CDCA7L: variants seen among roughly 807,000 people sequenced by gnomAD.
CDCA7L encodes cell division cycle-associated 7-like protein.
CDCA7L carries 44 observed loss-of-function variants against 57.4 expected under a neutral mutation model. That is an observed-to-expected ratio of 0.77 (90% CI 0.60 to 0.98). CDCA7L has a LOEUF of 0.98. CDCA7L is among the 50% of genes least tolerant of loss of function. CDCA7L has a pLI of 0.00. For missense variants in CDCA7L, 644 were observed against 580.6 expected (o/e 1.11, Z -1.12); for synonymous variants, 236 against 202.8 (o/e 1.16, Z -1.39).
At chr7:21,908,916 G>A (rs1785228465) in intron 3 of CDCA7L, among the ~76,000 whole-genome samples, 1 of 152,190 alleles carries the variant, frequency 6.6e-6, no homozygotes, top group South Asian at 2.1e-4. Context: ...GGGGAAAAAT[G>A]CTGACTGGTC....
At chr7:21,924,940 C>A (rs1030855649) in intron 1 of CDCA7L, among the ~76,000 whole-genome samples, 7 of 152,046 alleles carry the variant, frequency 4.6e-5, no homozygotes, top group Non-Finnish European at 1.0e-4. Flanking sequence ...TAAACAAGCA[C>A]AAAAGAGAAT....
intron 1 of CDCA7L, among the ~76,000 whole-genome samples, chr7:21,943,225 C>T (rs376274249): frequency 1.3e-5 from 2 of 152,322 alleles, no homozygotes; most frequent in African/African-American, 4.8e-5. Context: ...CTGGGGGAAG[C>T]GTAATCACTG....
At position 21,902,242 on chromosome 7, in the gene CDCA7L, A is replaced by C. The variant is rs1784921502; in HGVS notation, c.*80T>G. 2.5e-6 allele frequency: 3 copies of C among 1,224,304 alleles called. No individual in the cohort carries two copies. Among genetic ancestry groups the C allele is most frequent in the African/African-American group, 3.8e-5 (2 of 53,222 alleles). 75.8% of individuals were successfully genotyped at this position (1,224,304 alleles called of 1,614,324 possible). On this transcript the variant is annotated 3_prime_UTR_variant, in exon 10 of 10. Coordinates refer to ENST00000406877, the MANE Select transcript of CDCA7L (RefSeq NM_018719.5). The stretch of plus-strand genomic sequence containing the variant: ...CTGTATAAAAACACAACTGTAAAAA[A>C]ATCTTTCTTAGGCACCAATGGTATG...
chr7:21,936,298 G>T (rs1040528640), intron 1 of CDCA7L, among the ~76,000 whole-genome samples: 5 of 152,140 alleles, frequency 3.3e-5, no homozygotes, highest in South Asian at 2.1e-4. Context: ...CCAAAAACTT[G>T]AAGAAGGAGG....
chr7:21,934,680 C>T (rs1289609519), intron 1 of CDCA7L, among the ~76,000 whole-genome samples: 2 of 152,122 alleles, frequency 1.3e-5, no homozygotes, highest in East Asian at 1.9e-4. Context: ...CTACAACAGA[C>T]TCACTTTAGA....
At chr7:21,929,308 C>A (rs1562633518) in intron 1 of CDCA7L, among the ~76,000 whole-genome samples, 1 of 152,036 alleles carries the variant, frequency 6.6e-6, no homozygotes, top group Non-Finnish European at 1.5e-5. Flanking sequence ...GAAGGAAGCA[C>A]TAAACATGGA....
intron 3 of CDCA7L, 148 bp from the exon 4 acceptor site, chr7:21,908,655 C>A: frequency 1.1e-6 from 1 of 894,150 alleles, no homozygotes; most frequent in Non-Finnish European, 1.6e-6. Flanking sequence ...TCTGAATTTC[C>A]TTTAAATGTG....
chr7:21,923,728 G>C (rs1043316487), intron 1 of CDCA7L, among the ~76,000 whole-genome samples: 1 of 152,202 alleles, frequency 6.6e-6, no homozygotes, highest in African/African-American at 2.4e-5. Flanking sequence ...CCAGGTATCT[G>C]AGCCTGTAAG....
chr7:21,918,343 A>G (rs1785551928), intron 1 of CDCA7L, among the ~76,000 whole-genome samples: 1 of 152,184 alleles, frequency 6.6e-6, no homozygotes, highest in South Asian at 2.1e-4. Flanking sequence ...CTTCTAAATT[A>G]TTGTGAGGCA....
At chr7:21,918,391 C>A (rs1267673624) in intron 1 of CDCA7L, among the ~76,000 whole-genome samples, 1 of 152,210 alleles carries the variant, frequency 6.6e-6, no homozygotes, top group Non-Finnish European at 1.5e-5. Flanking sequence ...GTATCATCAT[C>A]AAATGTGCAG....
At chr7:21,905,717 C>T (rs967080377) in intron 6 of CDCA7L, 86 bp from the exon 7 acceptor site, 56 of 1,417,322 alleles carry the variant, frequency 4.0e-5, no homozygotes, top group Admixed American at 2.6e-4. Context: ...AAAGATCTAG[C>T]ACCATTAATG....
At chr7:21,939,976 A>G (rs952230592) in intron 1 of CDCA7L, among the ~76,000 whole-genome samples, 3 of 152,002 alleles carry the variant, frequency 2.0e-5, no homozygotes, top group African/African-American at 7.2e-5. Flanking sequence ...AAAAAAAAAA[A>G]AAAAAAAAGG....
intron 1 of CDCA7L, among the ~76,000 whole-genome samples, chr7:21,939,510 T>G (rs1554298156): frequency 6.6e-6 from 1 of 152,176 alleles, no homozygotes; most frequent in Non-Finnish European, 1.5e-5. Context: ...GGGAGTGAAG[T>G]GAACCAAATC....
Position 21,902,029 on chromosome 7 carries a change from G to C in CDCA7L, c.*293C>G. On this transcript the variant is annotated 3_prime_UTR_variant, in exon 10 of 10. Coordinates refer to ENST00000406877, the MANE Select transcript of CDCA7L (RefSeq NM_018719.5). The stretch of plus-strand genomic sequence containing the variant: ...TGTTTTCTCTCTAACTTACTTACCT[G>C]AACTTTAACCCCACCCCATTTAAAC... The C allele has an allele frequency of 2.4e-6, 1 of 416,508 alleles. No homozygotes were observed. Among genetic ancestry groups the C allele is most frequent in the Non-Finnish European group, 4.4e-6 (1 of 227,854 alleles). The allele number at this position is 416,508 out of a possible 1,614,324, so 25.8% of individuals were successfully genotyped here.
At chr7:21,941,885 G>A (rs572336827) in intron 1 of CDCA7L, among the ~76,000 whole-genome samples, 272 of 152,192 alleles carry the variant, frequency 1.8e-3, no homozygotes, top group Non-Finnish European at 2.5e-3. Context: ...CATTCCTTGG[G>A]GGCAAAAAAG....
intron 2 of CDCA7L, among the ~76,000 whole-genome samples, chr7:21,915,636 A>T (rs1376378689): frequency 1.0e-5 from 1 of 99,332 alleles, no homozygotes; most frequent in Non-Finnish European, 1.9e-5. Context: ...CATCACTACT[A>T]AAAAAAAAAA....
At chr7:21,906,067 A>G (rs973551291) in intron 6 of CDCA7L, among the ~76,000 whole-genome samples, 2 of 151,836 alleles carry the variant, frequency 1.3e-5, no homozygotes, top group Non-Finnish European at 2.9e-5. Flanking sequence ...CTCGGCTTGG[A>G]TAAAAGACTC....
intron 1 of CDCA7L, among the ~76,000 whole-genome samples, chr7:21,943,047 T>C (rs1430161393): frequency 6.6e-6 from 1 of 152,190 alleles, no homozygotes; most frequent in Non-Finnish European, 1.5e-5. Flanking sequence ...ACACTGACAT[T>C]CAGTGCCTAC....
chr7:21,902,923 T>C, intron 9 of CDCA7L, 55 bp downstream of exon 9: 2 of 1,577,270 alleles, frequency 1.3e-6, no homozygotes, highest in Non-Finnish European at 1.7e-6. Context: ...GAGGGTCTCC[T>C]GTGCTCAGCC....
Sources: gnomAD v4.1 joint callset for allele counts (sites outside exome capture counted in the v4.1 genomes callset) on GRCh38, gnomAD v4.1.1 for gene constraint, MANE v1.5 for transcripts, NCBI Gene and HGNC (gene_info 2026-07-23, HGNC 2026-07-21) for gene names.